Variants in PARP16 observed in about 807,000 individuals in gnomAD.
The protein encoded by PARP16 is protein mono-ADP-ribosyltransferase PARP16.
A neutral mutation model predicts 35.0 loss-of-function variants in PARP16; 31 were observed. The ratio of observed to expected loss-of-function variants is 0.88; its 90% CI spans 0.66 to 1.19. PARP16 has a LOEUF of 1.19. Ranked by LOEUF, PARP16 falls within the 50% of genes most tolerant of loss-of-function variation. PARP16 has a pLI of 0.00. For missense variants in PARP16, 424 were observed against 411.2 expected, an observed-to-expected ratio of 1.03 and a Z score of -0.27; for synonymous variants, 162 against 169.5, an observed-to-expected ratio of 0.96 and a Z score of 0.34.
Position 65,258,114 on chromosome 15 carries a change from CT to C in PARP16, c.*1292del, listed in dbSNP as rs1567017904. 2 of 152,218 alleles carry C rather than the reference CT, an allele frequency of 1.3e-5. No homozygotes were observed. The highest frequency in any genetic ancestry group is 4.8e-5 in the African/African-American group (2 of 41,442). 9.4% of individuals were successfully genotyped at this position (152,218 alleles called of 1,614,324 possible). A position where few individuals can be genotyped will look rare whatever the true frequency, so the allele number is the denominator to read the frequency against. On this transcript the variant is annotated 3_prime_UTR_variant, in exon 6 of 6. Coordinates refer to ENST00000649807, the MANE Select transcript of PARP16 (RefSeq NM_001316943.2). The stretch of plus-strand genomic sequence containing the variant: ...GCAACTTAAATCATTAAGAAAATAT[CT>C]TTATTTATTCTGAAATGTTCCAATA...
At chr15:65,270,789 A>C (rs953207418) in intron 2 of PARP16, 146 bp downstream of exon 2, 3 of 741,972 alleles carry the variant, frequency 4.0e-6, no homozygotes, top group Non-Finnish European at 4.5e-6. Context: ...ACAGAACTAG[A>C]AAGTCTAAAG....
intron 1 of PARP16, among the ~76,000 whole-genome samples, chr15:65,281,042 G>A (rs1330701271): frequency 6.6e-6 from 1 of 152,126 alleles, no homozygotes; most frequent in African/African-American, 2.4e-5. Flanking sequence ...ACCACACTAA[G>A]CAGCGAGGGC....
chr15:65,245,220 T>G (rs974719285), intron 3 of PARP16, among the ~76,000 whole-genome samples: 16 of 152,226 alleles, frequency 1.1e-4, no homozygotes, highest in Non-Finnish European at 1.9e-4. Flanking sequence ...GAGAGGGCTT[T>G]GTGGCTTCCT....
Position 65,263,203 on chromosome 15 carries a change from C to T in PARP16, c.637G>A (p.Ala213Thr). The T allele has an allele frequency of 6.2e-7, 1 of 1,614,206 alleles. No homozygotes were observed. Among genetic ancestry groups the T allele is most frequent in the Non-Finnish European group, 8.5e-7 (1 of 1,180,028 alleles). ...GGATGGTCAATGACCTCACACACGGCCACACAGCTAAGGATGGGGCCGAGG... is the reference window on the plus strand; with the variant it reads ...GGATGGTCAATGACCTCACACACGGTCACACAGCTAAGGATGGGGCCGAGG... The part of the protein sequence containing the change: ...SLLGPILSCV[A>T]VCEVIDHPDV... The change falls in exon 4 of 6, where the codon GCC (alanine) becomes ACC (threonine). Residue 213 changes from alanine (A) to threonine (T), a missense_variant. Ala to Thr is a moderately conservative substitution (Grantham distance 58). Coordinates refer to ENST00000649807, the MANE Select transcript of PARP16 (RefSeq NM_001316943.2).
chr15:65,271,886 C>T (rs1037345311), intron 1 of PARP16, among the ~76,000 whole-genome samples: 4 of 152,210 alleles, frequency 2.6e-5, no homozygotes, highest in Admixed American at 2.0e-4. Context: ...GGCAACACTG[C>T]TTAAGGTAAA....
Position 65,248,094 on chromosome 15 carries a change from G to A in PARP16, c.*97+23C>T, listed in dbSNP as rs924923213. 25 of 446,312 alleles carry A rather than the reference G, an allele frequency of 5.6e-5. 1 individual carries two copies. The highest frequency in any genetic ancestry group is 2.8e-4 in the East Asian group (4 of 14,144). 27.6% of individuals were successfully genotyped at this position (446,312 alleles called of 1,614,324 possible). A position where few individuals can be genotyped will look rare whatever the true frequency, so the allele number is the denominator to read the frequency against. On this transcript the variant is annotated intron_variant and NMD_transcript_variant, in intron 3 of 3. Coordinates refer to the PARP16 transcript ENST00000559805. ...GCTGGGATTACAGGCGTGAGCCACC[G>A]CTCCCGGCCGGATTGTTCTTACCTC...
At chr15:65,254,049 G>T (rs962648207), downstream of PARP16, among the ~76,000 whole-genome samples, 1 of 151,892 alleles carries the variant, frequency 6.6e-6, no homozygotes, top group East Asian at 1.9e-4. Context: ...ATCTCCTGAC[G>T]TCAGGTGATC....
intron 3 of PARP16, among the ~76,000 whole-genome samples, chr15:65,238,868 C>T (rs1346646092): frequency 1.3e-5 from 2 of 152,326 alleles, no homozygotes; most frequent in East Asian, 1.9e-4. Flanking sequence ...GTGGCTCACA[C>T]CTGTAATCCA....
intron 2 of PARP16, among the ~76,000 whole-genome samples, chr15:65,268,045 T>C (rs1425713503): frequency 1.3e-5 from 2 of 152,074 alleles, no homozygotes; most frequent in Non-Finnish European, 2.9e-5. Context: ...AATCATCTCA[T>C]GTTTATTGTA....
chr15:65,251,907 G>A (rs2089372589), intron 2 of PARP16, among the ~76,000 whole-genome samples: 2 of 152,092 alleles, frequency 1.3e-5, no homozygotes, highest in South Asian at 2.1e-4. Context: ...TGGGACTACA[G>A]GCGCCCACCA....
intron 1 of PARP16, among the ~76,000 whole-genome samples, chr15:65,272,553 C>T (rs182591869): frequency 3.9e-4 from 60 of 152,280 alleles, no homozygotes; most frequent in Middle Eastern, 6.8e-3. Context: ...ATGTCTTGTT[C>T]CAAGAATACC....
At chr15:65,270,406 C>T (rs921769068) in intron 2 of PARP16, among the ~76,000 whole-genome samples, 1 of 152,138 alleles carries the variant, frequency 6.6e-6, no homozygotes, top group Non-Finnish European at 1.5e-5. Flanking sequence ...GGGATTTGAA[C>T]CCAGAGCATG....
chr15:65,242,706 T>TTTTA (rs1207275485), intron 3 of PARP16, among the ~76,000 whole-genome samples: 9 of 152,080 alleles, frequency 5.9e-5, no homozygotes, highest in Non-Finnish European at 1.2e-4. Context: ...CAGTTATTCA[T>TTTTA]TTTATTTATT....
chr15:65,262,713 C>G (rs1286700939), intron 4 of PARP16, among the ~76,000 whole-genome samples: 1 of 152,142 alleles, frequency 6.6e-6, no homozygotes, highest in Non-Finnish European at 1.5e-5. Context: ...TATTGAATAT[C>G]AAGTACATAC....
intron 1 of PARP16, among the ~76,000 whole-genome samples, chr15:65,275,125 AAGC>A (rs1298985018): frequency 9.9e-5 from 15 of 152,108 alleles, no homozygotes; most frequent in Non-Finnish European, 1.6e-4. Context: ...AAAAAAAAAA[AAGC>A]AGCATTCACT....
intron 3 of PARP16, among the ~76,000 whole-genome samples, chr15:65,241,597 T>A (rs2089082775): frequency 1.3e-5 from 2 of 152,236 alleles, no homozygotes; most frequent in South Asian, 2.1e-4. Flanking sequence ...ACATTTCTTA[T>A]AACCAAAGAG....
chr15:65,236,565 G>A (rs1206643173), intron 3 of PARP16, among the ~76,000 whole-genome samples: 4 of 152,258 alleles, frequency 2.6e-5, no homozygotes, highest in Non-Finnish European at 5.9e-5. Flanking sequence ...CAGCTAGTAT[G>A]TCTTGAGACA....
chr15:65,267,797 T>TCTCTGC (rs1316594375), intron 2 of PARP16, among the ~76,000 whole-genome samples: 1 of 143,496 alleles, frequency 7.0e-6, no homozygotes, highest in Non-Finnish European at 1.5e-5. Context: ...TTTAAGCAAT[T>TCTCTGC]CTCTGCCTCA....
intron 3 of PARP16, among the ~76,000 whole-genome samples, chr15:65,264,029 T>C (rs186338148): frequency 6.6e-6 from 1 of 152,272 alleles, no homozygotes; most frequent in East Asian, 1.9e-4. Context: ...AATTAGAAAT[T>C]AGTCTCTTAG....
Sources: gnomAD v4.1 joint callset for allele counts (sites outside exome capture counted in the v4.1 genomes callset) on GRCh38, gnomAD v4.1.1 for gene constraint, MANE v1.5 for transcripts, NCBI Gene and HGNC (gene_info 2026-07-23, HGNC 2026-07-21) for gene names.